The following PRUNE2 variants were observed in gnomAD, a reference collection of about 807,000 sequenced individuals.
The protein encoded by PRUNE2 is prune homolog 2 with BCH domain, also known as protein prune homolog 2.
A neutral mutation model predicts 252.0 loss-of-function variants in PRUNE2; 164 were observed. The ratio of observed to expected loss-of-function variants is 0.65; its 90% CI spans 0.57 to 0.74. PRUNE2 has a LOEUF of 0.74. Among genes scored for constraint, PRUNE2 ranks in the 30% least tolerant of loss-of-function variants. The probability of loss-of-function intolerance (pLI) is 0.00; values close to 1 mark genes in which losing one functional copy is unlikely to be tolerated. For missense variants in PRUNE2, 3,495 were observed against 3,711.0 expected (o/e 0.94, Z 1.51); for synonymous variants, 1,292 against 1,350.2 (o/e 0.96, Z 0.94).
At chr9:76,872,568 T>TA (rs1482802200) in intron 1 of PRUNE2, among the ~76,000 whole-genome samples, 1 of 147,436 alleles carries the variant, frequency 6.8e-6, no homozygotes, top group South Asian at 2.1e-4. Context: ...CTCATTAAGT[T>TA]AAAAAAACAA....
chr9:76,770,338 T>C (rs1424718296), intron 6 of PRUNE2, among the ~76,000 whole-genome samples: 1 of 152,188 alleles, frequency 6.6e-6, no homozygotes, highest in Non-Finnish European at 1.5e-5. Context: ...GAATGAGAAT[T>C]CCTTGGGCAT....
intron 12 of PRUNE2, among the ~76,000 whole-genome samples, chr9:76,639,129 G>A (rs923511566): frequency 2.0e-5 from 3 of 152,128 alleles, no homozygotes; most frequent in Admixed American, 6.5e-5. Context: ...TTGCAGTAGA[G>A]TCACACTCTC....
intron 9 of PRUNE2, among the ~76,000 whole-genome samples, chr9:76,664,084 C>T (rs1392076030): frequency 6.6e-6 from 1 of 152,152 alleles, no homozygotes; most frequent in Non-Finnish European, 1.5e-5. Context: ...AAAGGTGGAG[C>T]CTAATTTCCC....
chr9:76,856,491 CAA>C (rs2132685820), intron 1 of PRUNE2: 1 of 152,260 alleles, frequency 6.6e-6, no homozygotes, highest in South Asian at 2.1e-4. Context: ...TTACCAAGCC[CAA>C]AACCAATTAT....
At chr9:76,760,309 C>A (rs4327916) in intron 6 of PRUNE2, among the ~76,000 whole-genome samples, 88,187 of 151,944 alleles carry the variant, frequency 0.58, 25,979 homozygotes, top group East Asian at 0.74. Context: ...TCCCTGGTAC[C>A]CTTTTGTCCA....
At chr9:76,777,077 C>G (rs995882320) in intron 6 of PRUNE2, among the ~76,000 whole-genome samples, 4 of 152,012 alleles carry the variant, frequency 2.6e-5, no homozygotes, top group African/African-American at 9.7e-5. Flanking sequence ...CCTTCTTTCT[C>G]CCCTGCCCCA....
At chr9:76,899,422 T>C (rs922254277) in intron 1 of PRUNE2, among the ~76,000 whole-genome samples, 4 of 152,236 alleles carry the variant, frequency 2.6e-5, no homozygotes, top group Non-Finnish European at 4.4e-5. Context: ...TTGACTTTAG[T>C]GTCCTTCACC....
chr9:76,700,722 T>C (rs1424675097), intron 9 of PRUNE2, among the ~76,000 whole-genome samples: 1 of 152,230 alleles, frequency 6.6e-6, no homozygotes, highest in Non-Finnish European at 1.5e-5. Flanking sequence ...TAAAGTATCA[T>C]GGGCCCTGGG....
At chr9:76,717,684 C>G (rs942825240) in intron 6 of PRUNE2, among the ~76,000 whole-genome samples, 5 of 152,146 alleles carry the variant, frequency 3.3e-5, no homozygotes, top group South Asian at 2.1e-4. Flanking sequence ...CCACCCCCCC[C>G]ACCAGCCACA....
chr9:76,705,486 G>A lies in PRUNE2; in HGVS notation c.6788C>T (p.Ala2263Val). 6.2e-7 allele frequency: 1 copy of A among 1,613,946 alleles called. No homozygotes were observed. Among genetic ancestry groups the A allele is most frequent in the Non-Finnish European group, 8.5e-7 (1 of 1,179,858 alleles). Residue 2263 changes from alanine to valine, a missense_variant, in exon 8 of 19, where the codon GCA becomes GTA. Coordinates refer to ENST00000376718, the MANE Select transcript of PRUNE2 (RefSeq NM_015225.3). The part of the protein sequence containing the change: ...DSFSPESQPG[A>V]RALFDGDPHL... ...TGGATCACCATCAAACAAAGCTCTT[G>A]CACCAGGCTGACTTTCAGGAGAAAA...
chr9:76,652,416 G>C, intron 11 of PRUNE2, 67 bp downstream of exon 11: 1 of 1,079,452 alleles, frequency 9.3e-7, no homozygotes, highest in Non-Finnish European at 1.4e-6. Flanking sequence ...ACAAAAATGA[G>C]AGGTCTGTTA....
At chr9:76,813,130 T>C (rs967996992) in intron 6 of PRUNE2, among the ~76,000 whole-genome samples, 1 of 152,202 alleles carries the variant, frequency 6.6e-6, no homozygotes, top group Non-Finnish European at 1.5e-5. Context: ...TATTTTGAAA[T>C]TGGCCATGGT....
intron 9 of PRUNE2, chr9:76,692,064 A>G (rs2134468688): frequency 1.4e-6 from 1 of 717,440 alleles, no homozygotes; most frequent in Non-Finnish European, 2.6e-6. Context: ...CTACACCAGG[A>G]CCCACCTACC....
chr9:76,839,457 T>C (rs1051600395), intron 4 of PRUNE2, among the ~76,000 whole-genome samples: 1 of 152,182 alleles, frequency 6.6e-6, no homozygotes, highest in Admixed American at 6.5e-5. Flanking sequence ...ATGTAAATCA[T>C]CAAGAGTGGA....
intron 6 of PRUNE2, among the ~76,000 whole-genome samples, chr9:76,715,081 T>C (rs1564135876): frequency 6.6e-6 from 1 of 152,218 alleles, no homozygotes; most frequent in Non-Finnish European, 1.5e-5. Flanking sequence ...GGTAAGATAC[T>C]AAAACAACAC....
At chr9:76,770,580 G>A (rs907696888) in intron 6 of PRUNE2, among the ~76,000 whole-genome samples, 2 of 152,052 alleles carry the variant, frequency 1.3e-5, no homozygotes, top group South Asian at 2.1e-4. Context: ...TAAAATTAAA[G>A]CTAAAAGTAA....
intron 4 of PRUNE2, among the ~76,000 whole-genome samples, chr9:76,836,926 G>A (rs569725065): frequency 5.3e-5 from 8 of 152,200 alleles, no homozygotes; most frequent in South Asian, 4.1e-4. Context: ...TCTTTTTAAC[G>A]ACATCCGTAA....
chr9:76,703,862 G>A lies in PRUNE2; in HGVS notation c.7751C>T (p.Thr2584Ile). 2 of 1,613,914 alleles carry A rather than the reference G, an allele frequency of 1.2e-6. No individual in the cohort carries two copies. Among genetic ancestry groups the A allele is most frequent in the Non-Finnish European group, 1.7e-6 (2 of 1,179,868 alleles). Residue 2584 changes from threonine (T) to isoleucine (I), a missense_variant, in exon 9 of 19, where the codon ACA becomes ATA. Thr to Ile is a moderately conservative substitution (Grantham distance 89, BLOSUM62 -1). Coordinates refer to ENST00000376718, the MANE Select transcript of PRUNE2 (RefSeq NM_015225.3). ...TGCTAACTGAGTTCCCTGCAGCCCT[G>A]TTTCTTTGGAACCTACATACAATTC... ...ELELYVGSKE[T>I]GLQGTQLASF...
At chr9:76,658,681 T>A (rs1357028035) in intron 9 of PRUNE2, among the ~76,000 whole-genome samples, 1 of 152,174 alleles carries the variant, frequency 6.6e-6, no homozygotes, top group Non-Finnish European at 1.5e-5. Context: ...TTGAGTTTCT[T>A]TATACAGAAT....
Sources: gnomAD v4.1 joint callset for allele counts (sites outside exome capture counted in the v4.1 genomes callset) on GRCh38, gnomAD v4.1.1 for gene constraint, MANE v1.5 for transcripts, NCBI Gene and HGNC (gene_info 2026-07-23, HGNC 2026-07-21) for gene names.